JAZF1: variants seen among roughly 807,000 people sequenced by gnomAD.
JAZF1 encodes JAZF zinc finger 1, also known as juxtaposed with another zinc finger protein 1.
A neutral mutation model predicts 26.4 loss-of-function variants in JAZF1; 8 were observed. The ratio of observed to expected loss-of-function variants is 0.30; its 90% CI spans 0.18 to 0.55. JAZF1 has a LOEUF of 0.55. Among genes scored for constraint, JAZF1 ranks in the 20% least tolerant of loss-of-function variants. JAZF1 has a pLI of 0.94. For missense variants in JAZF1, 199 were observed against 322.0 expected, an observed-to-expected ratio of 0.62 and a Z score of 2.92; for synonymous variants, 126 against 122.3, an observed-to-expected ratio of 1.03 and a Z score of -0.20.
At chr7:28,176,580 A>G (rs1411960926) in intron 1 of JAZF1, among the ~76,000 whole-genome samples, 1 of 152,144 alleles carries the variant, frequency 6.6e-6, no homozygotes, top group Admixed American at 6.5e-5. Context: ...CACATACCTC[A>G]ATTGTTTATT....
chr7:28,091,913 A>G (rs1027010761), intron 1 of JAZF1, among the ~76,000 whole-genome samples: 6 of 152,178 alleles, frequency 3.9e-5, no homozygotes, highest in Non-Finnish European at 7.3e-5. Flanking sequence ...AAACCTTGTA[A>G]AATCAACTTG....
At chr7:28,024,089 C>T (rs902708163) in intron 1 of JAZF1, among the ~76,000 whole-genome samples, 2 of 150,540 alleles carry the variant, frequency 1.3e-5, no homozygotes, top group Non-Finnish European at 3.0e-5. Context: ...ACTTCAAGAC[C>T]AACCTGGGCA....
In JAZF1 at chr7:28,165,518, T is replaced by G. The variant is rs1354417830; in HGVS notation, c.115+14945A>C. The stretch of plus-strand genomic sequence containing the variant: ...CCTTTGGGGCTGGAATTAGGTTCCC[T>G]CCGTGTGGTAACATTGTCTGACACA... On this transcript the variant is annotated intron_variant, in intron 1 of 4. Coordinates refer to ENST00000283928, the MANE Select transcript of JAZF1 (RefSeq NM_175061.4). Among the ~76,000 whole-genome samples, 7 of 152,164 alleles carry G rather than the reference T, an allele frequency of 4.6e-5. 1 individual carries two copies. Among genetic ancestry groups the G allele is most frequent in the Admixed American group, 4.6e-4 (7 of 15,278 alleles).
intron 1 of JAZF1, among the ~76,000 whole-genome samples, chr7:28,133,601 A>T (rs1036062255): frequency 2.0e-5 from 3 of 152,228 alleles, no homozygotes; most frequent in Non-Finnish European, 2.9e-5. Flanking sequence ...CCAGGCTTCC[A>T]CTTGAGATAA....
intron 3 of JAZF1, chr7:27,841,920 G>C (rs1002667105): frequency 1.3e-5 from 2 of 152,240 alleles, no homozygotes; most frequent in East Asian, 3.9e-4. Context: ...ACATTAATAA[G>C]AATTATATGG....
At chr7:27,876,416 G>A (rs1206838992) in intron 3 of JAZF1, among the ~76,000 whole-genome samples, 2 of 152,074 alleles carry the variant, frequency 1.3e-5, no homozygotes, top group Non-Finnish European at 2.9e-5. Context: ...ACCTCGAGGG[G>A]CATACCATCC....
intron 1 of JAZF1, among the ~76,000 whole-genome samples, chr7:28,102,641 G>T (rs1784491580): frequency 6.6e-6 from 1 of 152,024 alleles, no homozygotes. Flanking sequence ...AGTCTGAAAG[G>T]ACATATACTG....
chr7:28,061,859 A>G (rs968753726), intron 1 of JAZF1, among the ~76,000 whole-genome samples: 18 of 152,242 alleles, frequency 1.2e-4, no homozygotes, highest in Admixed American at 7.8e-4. Flanking sequence ...AAGTATCAAA[A>G]TCAATCTTAT....
chr7:28,045,464 G>A (rs978530307), intron 1 of JAZF1, among the ~76,000 whole-genome samples: 2 of 152,136 alleles, frequency 1.3e-5, no homozygotes, highest in Non-Finnish European at 2.9e-5. Context: ...AGGGCAAAGG[G>A]GAGTGATTAT....
intron 2 of JAZF1, among the ~76,000 whole-genome samples, chr7:27,960,519 C>A (rs941706112): frequency 2.0e-5 from 3 of 152,170 alleles, no homozygotes; most frequent in African/African-American, 4.8e-5. Flanking sequence ...CTGGTATATT[C>A]TTCAGTGCAC....
chr7:28,104,031 G>A (rs997891496), intron 1 of JAZF1, among the ~76,000 whole-genome samples: 1 of 152,052 alleles, frequency 6.6e-6, no homozygotes, highest in Non-Finnish European at 1.5e-5. Flanking sequence ...AGCCCCACTG[G>A]CCTCCCTGCA....
chr7:27,991,264 CTG>C (rs1330185867), intron 2 of JAZF1, among the ~76,000 whole-genome samples: 1 of 152,096 alleles, frequency 6.6e-6, no homozygotes, highest in Non-Finnish European at 1.5e-5. Flanking sequence ...TGCTTTGGGA[CTG>C]TGTGTTTTCT....
chr7:27,996,278 C>T lies in JAZF1; in HGVS notation c.116-4297G>A, dbSNP rs150342342. Reference sequence around the variant, plus strand: ...CAATGTCTCAACAAAACTAGGGAGGCCTCTAAGGGCAATGTGCTATTCGCA... The same window carrying T: ...CAATGTCTCAACAAAACTAGGGAGGTCTCTAAGGGCAATGTGCTATTCGCA... On this transcript the variant is annotated intron_variant, in intron 1 of 4. Coordinates refer to ENST00000283928, the MANE Select transcript of JAZF1 (RefSeq NM_175061.4). Among the ~76,000 whole-genome samples the T allele has an allele frequency of 2.0e-5, 3 of 152,248 alleles. No individual in the cohort carries two copies. The East Asian group carries it at 5.8e-4, about 29-fold the overall frequency.
intron 1 of JAZF1, among the ~76,000 whole-genome samples, chr7:28,106,475 C>A (rs898914032): frequency 6.6e-6 from 1 of 152,146 alleles, no homozygotes; most frequent in Non-Finnish European, 1.5e-5. Flanking sequence ...TAGGGAGACA[C>A]AGGATCTGAC....
chr7:28,118,720 T>C lies in JAZF1; in HGVS notation c.115+61743A>G, dbSNP rs1243153696. Among the ~76,000 whole-genome samples the C allele has an allele frequency of 2.0e-5, 3 of 151,840 alleles. No individual in the cohort carries two copies. The East Asian group carries it at 5.8e-4, about 29-fold the overall frequency. ...GTACACATTACTCTGTCATTTGAGG[T>C]TGTAAGATTAGTTGTTGGAGATCTA... On this transcript the variant is annotated intron_variant, in intron 1 of 4. Coordinates refer to ENST00000283928, the MANE Select transcript of JAZF1 (RefSeq NM_175061.4).
intron 1 of JAZF1, among the ~76,000 whole-genome samples, chr7:28,107,502 A>G (rs1324745341): frequency 6.6e-6 from 1 of 152,184 alleles, no homozygotes; most frequent in Non-Finnish European, 1.5e-5. Flanking sequence ...GACATACAGC[A>G]TGAAACAGCC....
At chr7:28,091,841 T>C (rs999212408) in intron 1 of JAZF1, among the ~76,000 whole-genome samples, 3 of 152,114 alleles carry the variant, frequency 2.0e-5, no homozygotes, top group African/African-American at 7.2e-5. Flanking sequence ...GATGGGTCCT[T>C]GAATCCTGTG....
At chr7:28,162,547 T>C (rs1006214773) in intron 1 of JAZF1, among the ~76,000 whole-genome samples, 3 of 152,186 alleles carry the variant, frequency 2.0e-5, no homozygotes, top group African/African-American at 7.2e-5. Flanking sequence ...GCTGAAACAT[T>C]TACAATACCT....
At chr7:28,139,038 C>A (rs545554128) in intron 1 of JAZF1, among the ~76,000 whole-genome samples, 1 of 152,282 alleles carries the variant, frequency 6.6e-6, no homozygotes, top group South Asian at 2.1e-4. Context: ...CACTGCCCAG[C>A]ACTGAAGATC....
Sources: gnomAD v4.1 joint callset for allele counts (sites outside exome capture counted in the v4.1 genomes callset) on GRCh38, gnomAD v4.1.1 for gene constraint, MANE v1.5 for transcripts, NCBI Gene and HGNC (gene_info 2026-07-23, HGNC 2026-07-21) for gene names.